Variants in DPYSL5 observed in about 807,000 individuals in gnomAD.
DPYSL5 encodes the protein dihydropyrimidinase like 5.
DPYSL5 carries 9 observed loss-of-function variants against 58.4 expected under a neutral mutation model. The observed-to-expected ratio is 0.15, with a 90% CI of 0.09 to 0.27. The LOEUF is 0.27. Among genes scored for constraint, DPYSL5 ranks in the 10% least tolerant of loss-of-function variants. The pLI is 1.00. For missense variants in DPYSL5, 499 were observed against 770.6 expected, an observed-to-expected ratio of 0.65 and a Z score of 4.17; for synonymous variants, 293 against 301.9, an observed-to-expected ratio of 0.97 and a Z score of 0.31.
chr2:26,924,834 T>G lies in DPYSL5; in HGVS notation c.262-53T>G, dbSNP rs1664789051. 6.3e-7 allele frequency: 1 copy of G among 1,582,372 alleles called. No individual in the cohort carries two copies. The highest frequency in any genetic ancestry group is 2.3e-5 in the East Asian group (1 of 44,330). On this transcript the variant is annotated intron_variant, in intron 2 of 12. Coordinates refer to ENST00000288699, the MANE Select transcript of DPYSL5 (RefSeq NM_020134.4). The surrounding 1 kb of genome is among the most constrained non-coding windows in gnomAD (Gnocchi z 4.7). The stretch of plus-strand genomic sequence containing the variant: ...TGAGGACCATGTCTCACCACATCAT[T>G]GACTCGGGGGCAGGCAGGGCTGTGA...
chr2:26,850,896 A>T (rs997189046), intron 1 of DPYSL5, among the ~76,000 whole-genome samples: 3 of 152,208 alleles, frequency 2.0e-5, no homozygotes, highest in Admixed American at 6.5e-5. Context: ...ATCTGGAAGG[A>T]CTAGCTGGAA....
intron 2 of DPYSL5, among the ~76,000 whole-genome samples, chr2:26,903,577 T>G (rs1472641006): frequency 2.0e-5 from 3 of 152,152 alleles, no homozygotes; most frequent in African/African-American, 7.2e-5. Context: ...TTGAGGGGTT[T>G]GAGTGGCACA....
chr2:26,908,005 C>T (rs1446009743), intron 2 of DPYSL5, among the ~76,000 whole-genome samples: 1 of 152,214 alleles, frequency 6.6e-6, no homozygotes. Context: ...TTCAGCTCCA[C>T]ATTTGCTTGC....
chr2:26,933,231 C>T lies in DPYSL5; in HGVS notation c.715-27C>T. The stretch of plus-strand genomic sequence containing the variant: ...TGTGAAGTTTATGGGTCAACCCTCC[C>T]TACTTCCCACTGTTTCTTGTGTTTA... On this transcript the variant is annotated intron_variant, in intron 6 of 12. Coordinates refer to ENST00000288699, the MANE Select transcript of DPYSL5 (RefSeq NM_020134.4). The surrounding 1 kb of genome is among the most constrained non-coding windows in gnomAD (Gnocchi z 4.2). 6.2e-7 allele frequency: 1 copy of T among 1,609,570 alleles called. No homozygotes were observed.
chr2:26,945,886 C>G (rs1665466277), intron 12 of DPYSL5, among the ~76,000 whole-genome samples: 1 of 152,238 alleles, frequency 6.6e-6, no homozygotes, highest in Non-Finnish European at 1.5e-5. Context: ...GCCTGCCTGC[C>G]CAGGCTCCTG....
In DPYSL5 at chr2:26,934,838, C is replaced by G. The variant is rs1229528418; in HGVS notation, c.947+104C>G. On this transcript the variant is annotated intron_variant, in intron 8 of 12. Transcript: ENST00000288699. The surrounding 1 kb of genome is among the most constrained non-coding windows in gnomAD (Gnocchi z 4.3). Reference sequence around the variant, plus strand: ...GAGCTAGGTTTGATTTCATTGTGCCCATAGGATCATTGTGCTTTTCTTACC... The same window carrying G: ...GAGCTAGGTTTGATTTCATTGTGCCGATAGGATCATTGTGCTTTTCTTACC... The G allele has an allele frequency of 6.9e-7, 1 of 1,448,726 alleles. No homozygotes were observed. Among genetic ancestry groups the G allele is most frequent in the East Asian group, 2.3e-5 (1 of 43,870 alleles). 89.7% of individuals were successfully genotyped at this position (1,448,726 alleles called of 1,614,324 possible).
At chr2:26,889,750 C>A (rs751022220) in intron 1 of DPYSL5, among the ~76,000 whole-genome samples, 17 of 151,964 alleles carry the variant, frequency 1.1e-4, no homozygotes, top group Non-Finnish European at 1.9e-4. Flanking sequence ...CCCTTCTGGG[C>A]GACTTTCCTG....
At chr2:26,916,680 A>G (rs1281693020) in intron 2 of DPYSL5, among the ~76,000 whole-genome samples, 2 of 152,146 alleles carry the variant, frequency 1.3e-5, no homozygotes, top group East Asian at 3.9e-4. Flanking sequence ...AGTCATGCCT[A>G]TCCACCACTC....
At position 26,905,905 on chromosome 2, in the gene DPYSL5, C is replaced by T. The variant is rs368614109; in HGVS notation, c.261+7145C>T. ...GTCTTCGGCTCAGAGCCTCGCAAGC[C>T]GCCATCCAGGTGTCAATGGGCTGCA... On this transcript the variant is annotated intron_variant, in intron 2 of 12. Coordinates refer to ENST00000288699, the MANE Select transcript of DPYSL5 (RefSeq NM_020134.4). This position sits in a 1 kb window ranked among gnomAD's most constrained non-coding sequence, Gnocchi z 4.0. Among the ~76,000 whole-genome samples the T allele has an allele frequency of 6.9e-4, 105 of 152,288 alleles. No individual in the cohort carries two copies. Among genetic ancestry groups the T allele is most frequent in the African/African-American group, 2.2e-3 (93 of 41,564 alleles).
intron 2 of DPYSL5, among the ~76,000 whole-genome samples, chr2:26,906,012 T>G (rs1158698616): frequency 6.6e-6 from 1 of 151,938 alleles, no homozygotes; most frequent in African/African-American, 2.4e-5. Flanking sequence ...AGGACTGAGG[T>G]CCCTGTTTCC....
chr2:26,934,819 G>C lies in DPYSL5; in HGVS notation c.947+85G>C, dbSNP rs1030590015. The C allele has an allele frequency of 6.5e-7, 1 of 1,533,298 alleles. No homozygotes were observed. Among genetic ancestry groups the C allele is most frequent in the Non-Finnish European group, 8.9e-7 (1 of 1,126,610 alleles). The allele number at this position is 1,533,298 out of a possible 1,614,324, so 95.0% of individuals were successfully genotyped here. A position where few individuals can be genotyped will look rare whatever the true frequency, so the allele number is the denominator to read the frequency against. On this transcript the variant is annotated intron_variant, in intron 8 of 12. Transcript: ENST00000288699. This position sits in a 1 kb window ranked among gnomAD's most constrained non-coding sequence, Gnocchi z 4.3. ...GGGCCCAGGAAACAAATCTGAGCTA[G>C]GTTTGATTTCATTGTGCCCATAGGA... is the stretch of plus-strand genomic sequence containing the variant.
intron 1 of DPYSL5, among the ~76,000 whole-genome samples, chr2:26,859,151 C>G (rs1213947270): frequency 1.3e-5 from 2 of 152,054 alleles, no homozygotes; most frequent in Non-Finnish European, 2.9e-5. Context: ...GTACTAGATT[C>G]CATTTTTTTA....
At position 26,897,246 on chromosome 2, in the gene DPYSL5, G is replaced by A. The variant is rs370589495; in HGVS notation, c.-4-1250G>A. ...AGTAGACATCCTTGCCTCTGCTGTA[G>A]AGGAAAGTATTTAGCCTTTCACCAT... On this transcript the variant is annotated intron_variant, in intron 1 of 12. Transcript: ENST00000288699. Among the ~76,000 whole-genome samples the A allele has an allele frequency of 4.6e-5, 7 of 152,294 alleles. No individual in the cohort carries two copies. In the East Asian group the frequency reaches 7.7e-4, roughly 17 times the overall value.
Position 26,942,116 on chromosome 2 carries a change from G to A in DPYSL5, c.1232+24G>A, listed in dbSNP as rs751651395. ...AAGTAAAGTTTGTTGCTCGTCCCCA[G>A]GGCTAGAGGGGCTTGGGATTTTGAA... On this transcript the variant is annotated intron_variant, in intron 10 of 12. Coordinates refer to ENST00000288699, the MANE Select transcript of DPYSL5 (RefSeq NM_020134.4). This position sits in a 1 kb window ranked among gnomAD's most constrained non-coding sequence, Gnocchi z 5.9. 6.2e-7 allele frequency: 1 copy of A among 1,611,660 alleles called. No individual in the cohort carries two copies. The highest frequency in any genetic ancestry group is 8.5e-7 in the Non-Finnish European group (1 of 1,178,996).
chr2:26,850,617 T>TA (rs1236586847), intron 1 of DPYSL5, among the ~76,000 whole-genome samples: 2 of 152,232 alleles, frequency 1.3e-5, no homozygotes, highest in Non-Finnish European at 2.9e-5. Context: ...TGATGCCACT[T>TA]ACATTTGCCA....
chr2:26,931,137 T>TAAAAA (rs61652873), intron 5 of DPYSL5, among the ~76,000 whole-genome samples: 29 of 49,540 alleles, frequency 5.9e-4, no homozygotes, highest in African/African-American at 1.7e-3. Context: ...AGACCCTATC[T>TAAAAA]AAAAAAAAAA....
At chr2:26,939,833 A>G (rs1236848571) in intron 8 of DPYSL5, 198 bp from the exon 9 acceptor site, 5 of 619,208 alleles carry the variant, frequency 8.1e-6, no homozygotes, top group Non-Finnish European at 1.4e-5. Context: ...ACTGTGCCAC[A>G]CTCATTCTGT....
intron 1 of DPYSL5, among the ~76,000 whole-genome samples, chr2:26,875,185 A>T (rs1216973043): frequency 1.3e-5 from 2 of 152,252 alleles, no homozygotes; most frequent in African/African-American, 4.8e-5. Context: ...GCAGATTGGG[A>T]AGGAACTAGG....
chr2:26,882,266 G>A (rs1473858826), intron 1 of DPYSL5, among the ~76,000 whole-genome samples: 1 of 151,668 alleles, frequency 6.6e-6, no homozygotes, highest in Non-Finnish European at 1.5e-5. Flanking sequence ...TATTCATTGA[G>A]ACAAGGTCTC....
Sources: gnomAD v4.1 joint callset for allele counts (sites outside exome capture counted in the v4.1 genomes callset) on GRCh38, gnomAD v4.1.1 for gene constraint, Gnocchi (gnomAD v3.1) non-coding constraint, MANE v1.5 for transcripts, NCBI Gene and HGNC (gene_info 2026-07-23, HGNC 2026-07-21) for gene names.